Variants in ARHGEF10 observed in about 807,000 individuals in gnomAD.
ARHGEF10 encodes Rho guanine nucleotide exchange factor (GEF) 10.
ARHGEF10 carries 140 observed loss-of-function variants against 147.4 expected under a neutral mutation model. The observed-to-expected ratio is 0.95, with a 90% CI of 0.83 to 1.09. ARHGEF10 has a LOEUF of 1.09. Ranked by LOEUF, ARHGEF10 falls within the 50% of genes least tolerant of loss-of-function variation. The pLI is 0.00. For missense variants in ARHGEF10, 2,222 were observed against 1,752.7 expected, an observed-to-expected ratio of 1.27 and a Z score of -4.78; for synonymous variants, 902 against 695.8, an observed-to-expected ratio of 1.30 and a Z score of -4.67.
rs1812418106 is a variant in ARHGEF10 at position 1,923,050 on chromosome 8, C to T, written c.2230C>T (p.Leu744=). 6.2e-7 allele frequency: 1 copy of T among 1,612,442 alleles called. No homozygotes were observed. Among genetic ancestry groups the T allele is most frequent in the African/African-American group, 1.3e-5 (1 of 74,860 alleles). Reference sequence around the variant, plus strand: ...AAATGTAATTGGCCAAATCACTCAGCTGATAGGAAACCTTAAAGGAAACTA... The same window carrying T: ...AAATGTAATTGGCCAAATCACTCAGTTGATAGGAAACCTTAAAGGAAACTA... ...DLNVIGQITQ[L]IGNLKGNYQN... is the part of the protein sequence containing the mutation. Residue 744 remains leucine (L), a synonymous_variant, in exon 19 of 29, where the codon CTG becomes TTG. Transcript: ENST00000349830.
Position 1,882,517 on chromosome 8 carries a change from G to C in ARHGEF10, c.961-118G>C. 11 of 879,808 alleles carry C rather than the reference G, an allele frequency of 1.3e-5. No individual in the cohort carries two copies. In the South Asian group the frequency reaches 1.3e-4, roughly 10 times the overall value. The allele number at this position is 879,808 out of a possible 1,614,324, so 54.5% of individuals were successfully genotyped here. ...AACAAAACCTAGCCCAGAACTGCAC[G>C]TGACACATGCGCTCACAAGAACCAG... On this transcript the variant is annotated intron_variant, in intron 9 of 28. Transcript: ENST00000349830.
intron 11 of ARHGEF10, among the ~76,000 whole-genome samples, chr8:1,887,225 G>T (rs1808741428): frequency 6.6e-6 from 1 of 152,210 alleles, no homozygotes. Context: ...AGCAAAAGAA[G>T]GGAAAAGCAC....
chr8:1,935,438 C>T (rs568979321), intron 26 of ARHGEF10, among the ~76,000 whole-genome samples: 67 of 152,342 alleles, frequency 4.4e-4, no homozygotes, highest in African/African-American at 1.6e-3. Flanking sequence ...TGGAAATCCT[C>T]TGCTCTCTGT....
At chr8:1,884,352 C>T (rs1808474604) in intron 10 of ARHGEF10, among the ~76,000 whole-genome samples, 1 of 150,576 alleles carries the variant, frequency 6.6e-6, no homozygotes, top group African/African-American at 2.4e-5. Context: ...GCCGAGATTG[C>T]GCCACTGCAC....
At chr8:1,840,376 G>A (rs1287487040) in intron 1 of ARHGEF10, among the ~76,000 whole-genome samples, 1 of 131,630 alleles carries the variant, frequency 7.6e-6, no homozygotes, top group Non-Finnish European at 1.6e-5. Context: ...CCGATATGGG[G>A]ACTGTCTGGT....
At chr8:1,909,617 C>A (rs1811207890) in intron 18 of ARHGEF10, 147 bp downstream of exon 18, 1 of 1,154,928 alleles carries the variant, frequency 8.7e-7, no homozygotes, top group Non-Finnish European at 1.2e-6. Context: ...TCTCTAGAAT[C>A]TGTATGCTGT....
At chr8:1,839,337 G>A (rs1164918880) in intron 1 of ARHGEF10, among the ~76,000 whole-genome samples, 1 of 132,242 alleles carries the variant, frequency 7.6e-6, no homozygotes, top group Non-Finnish European at 1.7e-5. Context: ...ACTGTCTGGT[G>A]TAGGGACTGT....
intron 11 of ARHGEF10, among the ~76,000 whole-genome samples, chr8:1,888,106 A>G (rs1808869503): frequency 8.5e-6 from 1 of 118,312 alleles, no homozygotes; most frequent in Non-Finnish European, 1.6e-5. Flanking sequence ...GAATGTTTTG[A>G]GGAGACACTT....
At chr8:1,915,863 T>TA (rs1271645608) in intron 18 of ARHGEF10, among the ~76,000 whole-genome samples, 2 of 152,260 alleles carry the variant, frequency 1.3e-5, no homozygotes, top group Non-Finnish European at 2.9e-5. Context: ...TTCTCATTCC[T>TA]AACGGCCTGT....
At chr8:1,954,595 C>G (rs1815328620) in intron 28 of ARHGEF10, among the ~76,000 whole-genome samples, 1 of 152,110 alleles carries the variant, frequency 6.6e-6, no homozygotes, top group African/African-American at 2.4e-5. Flanking sequence ...GAGAAGAGGC[C>G]ACCTGCCTGT....
At position 1,885,659 on chromosome 8, in the gene ARHGEF10, C is replaced by T. The variant is rs745469431; in HGVS notation, c.1134C>T (p.His378=). The change falls in exon 11 of 29, where the codon CAC becomes CAT. Residue 378 remains histidine, a synonymous_variant. Transcript: ENST00000349830. ...TGTTCATTGATGTTGACTGCAAGCACCCGGAAGCCATCTTGACCCCGATGC... is the reference window on the plus strand; with the variant it reads ...TGTTCATTGATGTTGACTGCAAGCATCCGGAAGCCATCTTGACCCCGATGC... The part of the protein sequence containing the change: ...QNLFIDVDCK[H]PEAILTPMPE... 3.1e-6 allele frequency: 5 copies of T among 1,613,818 alleles called. No individual in the cohort carries two copies. Among genetic ancestry groups the T allele is most frequent in the Admixed American group, 3.3e-5 (2 of 59,978 alleles).
intron 4 of ARHGEF10, among the ~76,000 whole-genome samples, chr8:1,861,279 A>T (rs1243460752): frequency 6.6e-6 from 1 of 152,200 alleles, no homozygotes; most frequent in Non-Finnish European, 1.5e-5. Flanking sequence ...GTGTCTGCAG[A>T]GCCACAGGGT....
In ARHGEF10 at chr8:1,865,549, C is replaced by T. The variant is rs140307979; in HGVS notation, c.546-977C>T. Reference sequence around the variant, plus strand: ...CACCAGGACACAGGGCGTCCCCCGGCACCCAGGGGGCCGTCATCAGGGCAT... The same window carrying T: ...CACCAGGACACAGGGCGTCCCCCGGTACCCAGGGGGCCGTCATCAGGGCAT... On this transcript the variant is annotated intron_variant, in intron 5 of 28. Transcript: ENST00000349830. Among the ~76,000 whole-genome samples, 526 of 152,206 alleles carry T rather than the reference C, an allele frequency of 3.5e-3. 1 individual carries two copies. The highest frequency in any genetic ancestry group is 0.011 in the African/African-American group (463 of 41,544).
At chr8:1,851,510 G>A (rs183193715) in intron 2 of ARHGEF10, among the ~76,000 whole-genome samples, 19 of 151,240 alleles carry the variant, frequency 1.3e-4, no homozygotes, top group African/African-American at 4.4e-4. Context: ...GGGGGATAGT[G>A]TTGGGGGAGG....
chr8:1,882,109 T>C (rs2280885), intron 9 of ARHGEF10, among the ~76,000 whole-genome samples: 18,634 of 152,144 alleles, frequency 0.12, 1,547 homozygotes, highest in South Asian at 0.29. Context: ...CCCTCAGGTG[T>C]GTCCCGTGCG....
chr8:1,890,331 A>T (rs1398226997), intron 11 of ARHGEF10, among the ~76,000 whole-genome samples: 9 of 145,128 alleles, frequency 6.2e-5, no homozygotes, highest in African/African-American at 2.1e-4. Context: ...GTGAGCAGAT[A>T]CTGAGTGGGG....
Position 1,952,792 on chromosome 8 carries a change from C to G in ARHGEF10, c.3485C>G (p.Pro1162Arg). Residue 1162 changes from proline to arginine, a missense_variant, in exon 28 of 29, where the codon CCG becomes CGG. Coordinates refer to ENST00000349830, the MANE Select transcript of ARHGEF10 (RefSeq NM_014629.4). ...AGCCTGGGAGTCCTCGTGGCCCTGC[C>G]GGTCCCACGTCTGCAAGGGATTCCC... Reference protein sequence around the residue: ...GTSLGVLVALPVPRLQGIPKV... With the variant: ...GTSLGVLVALRVPRLQGIPKV... The G allele has an allele frequency of 6.2e-7, 1 of 1,613,850 alleles. No homozygotes were observed. The highest frequency in any genetic ancestry group is 8.5e-7 in the Non-Finnish European group (1 of 1,180,044).
At position 1,933,896 on chromosome 8, in the gene ARHGEF10, C is replaced by T. The variant is rs373891508; in HGVS notation, c.3176C>T (p.Ser1059Phe). Residue 1059 changes from serine to phenylalanine, a missense_variant, in exon 26 of 29, where the codon TCC (serine) becomes TTC (phenylalanine). Transcript: ENST00000349830. ...LMMEDTLWAA[S>F]GGQVFIISVE... ...ATGGAAGACACGTTGTGGGCGGCTT[C>T]CGGAGGTCAAGTCTTCATCATCAGT... The T allele has an allele frequency of 6.2e-7, 1 of 1,614,158 alleles. No homozygotes were observed. The highest frequency in any genetic ancestry group is 8.5e-7 in the Non-Finnish European group (1 of 1,180,026).
intron 1 of ARHGEF10, among the ~76,000 whole-genome samples, chr8:1,838,282 G>A (rs1803712473): frequency 6.6e-6 from 1 of 152,244 alleles, no homozygotes. Context: ...CTAAACTCTT[G>A]AGGACTCATA....
Sources: gnomAD v4.1 joint callset for allele counts (sites outside exome capture counted in the v4.1 genomes callset) on GRCh38, gnomAD v4.1.1 for gene constraint, MANE v1.5 for transcripts, NCBI Gene and HGNC (gene_info 2026-07-23, HGNC 2026-07-21) for gene names.